Variants in NRXN1 observed in about 807,000 individuals in gnomAD.
The protein encoded by NRXN1 is neurexin-1.
Under a neutral mutation model 150.9 loss-of-function variants are expected in NRXN1, and 39 were observed. The observed-to-expected ratio is 0.26, with a 90% CI of 0.20 to 0.34. The LOEUF (loss-of-function observed/expected upper bound fraction) is 0.34, where lower values mean the gene tolerates loss of function less well. Among genes scored for constraint, NRXN1 ranks in the 10% least tolerant of loss-of-function variants. The probability of loss-of-function intolerance (pLI) is 1.00; values close to 1 mark genes in which losing one functional copy is unlikely to be tolerated. For synonymous variants in NRXN1, 924 were observed against 757.0 expected (o/e 1.22, Z -3.62); for missense variants, 1,815 against 1,949.9 (o/e 0.93, Z 1.30).
intron 5 of NRXN1, among the ~76,000 whole-genome samples, chr2:50,795,646 T>G (rs1706714069): frequency 6.6e-6 from 1 of 151,988 alleles, no homozygotes; most frequent in African/African-American, 2.4e-5. Context: ...AAATCTCACT[T>G]TGGCTGTGAA....
intron 22 of NRXN1, among the ~76,000 whole-genome samples, chr2:49,929,503 G>T (rs1028263841): frequency 5.9e-5 from 9 of 151,982 alleles, no homozygotes; most frequent in Non-Finnish European, 1.5e-5. Context: ...GGTCCTTACT[G>T]TTCCCATGGC....
At chr2:49,931,784 T>C (rs1248324828) in intron 22 of NRXN1, among the ~76,000 whole-genome samples, 1 of 152,332 alleles carries the variant, frequency 6.6e-6, no homozygotes, top group East Asian at 1.9e-4. Context: ...CCTTATTAAC[T>C]GATTTCAACT....
chr2:50,442,336 A>G (rs6738086), intron 17 of NRXN1, among the ~76,000 whole-genome samples: 42,978 of 152,104 alleles, frequency 0.28, 6,275 homozygotes, highest in East Asian at 0.36. Context: ...TCCATACTTT[A>G]AACACTTGAA....
intron 12 of NRXN1, among the ~76,000 whole-genome samples, chr2:50,509,595 AC>A (rs2092373289): frequency 6.6e-6 from 1 of 152,186 alleles, no homozygotes; most frequent in African/African-American, 2.4e-5. Flanking sequence ...TCACTTTCTC[AC>A]AGAATTTAAC....
At chr2:50,252,312 T>C (rs1327908021) in intron 17 of NRXN1, among the ~76,000 whole-genome samples, 2 of 140,192 alleles carry the variant, frequency 1.4e-5, no homozygotes, top group Non-Finnish European at 3.0e-5. Context: ...CAGGCTGGAA[T>C]GCAGTGCGTG....
intron 18 of NRXN1, among the ~76,000 whole-genome samples, chr2:50,208,572 A>G (rs748060970): frequency 1.3e-5 from 2 of 152,042 alleles, no homozygotes; most frequent in East Asian, 3.9e-4. Flanking sequence ...ATTTTGATTT[A>G]GAGAGGAGGT....
At chr2:50,069,937 A>C (rs1356221752) in intron 19 of NRXN1, among the ~76,000 whole-genome samples, 3 of 143,212 alleles carry the variant, frequency 2.1e-5, no homozygotes, top group South Asian at 2.2e-4. Flanking sequence ...TGCAAGCTCC[A>C]CCTCCCGAGT....
At chr2:50,520,952 C>A (rs954711287) in intron 12 of NRXN1, among the ~76,000 whole-genome samples, 8 of 151,972 alleles carry the variant, frequency 5.3e-5, no homozygotes, top group Admixed American at 2.0e-4. Flanking sequence ...CATGTCATTA[C>A]AGTATGTTTG....
chr2:50,687,928 C>A (rs1168524222), intron 5 of NRXN1, among the ~76,000 whole-genome samples: 1 of 152,174 alleles, frequency 6.6e-6, no homozygotes, highest in African/African-American at 2.4e-5. Flanking sequence ...TCAAACTCTT[C>A]TCTCTGATCA....
intron 18 of NRXN1, among the ~76,000 whole-genome samples, chr2:50,217,036 C>T (rs1364350955): frequency 2.8e-4 from 43 of 152,016 alleles, no homozygotes. Flanking sequence ...ATGACCTTGT[C>T]ATGTTTCTGT....
rs754955469 is a variant in NRXN1, at chr2:50,091,310, T to G, written c.3718+13A>C. ...TCATAAAATCTTCCCCCGATACATA[T>G]TCACTTGCTTACCTGCAGGGTAGCG... is the stretch of plus-strand genomic sequence containing the variant. On this transcript the variant is annotated intron_variant, in intron 19 of 22. Coordinates refer to ENST00000401669, the MANE Select transcript of NRXN1 (RefSeq NM_001330078.2). The G allele has an allele frequency of 1.2e-6, 2 of 1,614,014 alleles. No homozygotes were observed. The highest frequency in any genetic ancestry group is 1.7e-6 in the Non-Finnish European group (2 of 1,179,956).
In NRXN1 at chr2:50,217,955, GTTGTA is replaced by G. The variant is rs1431088995; in HGVS notation, c.3546+18829_3546+18833del. Among the ~76,000 whole-genome samples the G allele has an allele frequency of 1.1e-4, 16 of 152,068 alleles. No individual in the cohort carries two copies. The East Asian group carries it at 2.9e-3, about 28-fold the overall frequency. On this transcript the variant is annotated intron_variant, in intron 18 of 22. Coordinates refer to ENST00000401669, the MANE Select transcript of NRXN1 (RefSeq NM_001330078.2). The stretch of plus-strand genomic sequence containing the variant: ...GCACATAATTAGCCAGACACACCAT[GTTGTA>G]TCTCAATTTAGCTCATTATTTCTGA...
intron 8 of NRXN1, among the ~76,000 whole-genome samples, chr2:50,577,159 T>C (rs1244517238): frequency 2.6e-5 from 4 of 152,082 alleles, no homozygotes; most frequent in African/African-American, 9.7e-5. Context: ...CATGCAGAAA[T>C]CAATGAATAA....
intron 13 of NRXN1, among the ~76,000 whole-genome samples, chr2:50,498,381 C>T (rs2091763420): frequency 6.6e-6 from 1 of 152,072 alleles, no homozygotes; most frequent in African/African-American, 2.4e-5. Context: ...TCACCTATGC[C>T]TTTTTTTGTC....
intron 2 of NRXN1, among the ~76,000 whole-genome samples, chr2:50,961,630 T>C (rs1467274003): frequency 6.6e-6 from 1 of 151,836 alleles, no homozygotes; most frequent in African/African-American, 2.4e-5. Context: ...TCATTTGAAT[T>C]AAGCTAAGCT....
chr2:50,136,254 A>G (rs186199781), intron 18 of NRXN1, among the ~76,000 whole-genome samples: 1 of 152,244 alleles, frequency 6.6e-6, no homozygotes, highest in East Asian at 1.9e-4. Flanking sequence ...ACGCCAAGAG[A>G]AAAAATAAAA....
chr2:50,702,630 A>AT (rs1693909350), intron 5 of NRXN1, among the ~76,000 whole-genome samples: 1 of 152,048 alleles, frequency 6.6e-6, no homozygotes, highest in South Asian at 2.1e-4. Flanking sequence ...ACTTTTCTTG[A>AT]TTTTTTTAAA....
intron 21 of NRXN1, among the ~76,000 whole-genome samples, chr2:49,961,025 C>A (rs1675845244): frequency 6.6e-6 from 1 of 151,918 alleles, no homozygotes; most frequent in Non-Finnish European, 1.5e-5. Flanking sequence ...CAAATAATAT[C>A]ATTTTTAATT....
intron 21 of NRXN1, among the ~76,000 whole-genome samples, chr2:49,968,980 A>T (rs1198216202): frequency 6.6e-6 from 1 of 152,104 alleles, no homozygotes; most frequent in Non-Finnish European, 1.5e-5. Flanking sequence ...ACAGATCTTA[A>T]CTAACAATGT....
Sources: gnomAD v4.1 joint callset for allele counts (sites outside exome capture counted in the v4.1 genomes callset) on GRCh38, gnomAD v4.1.1 for gene constraint, MANE v1.5 for transcripts, NCBI Gene and HGNC (gene_info 2026-07-23, HGNC 2026-07-21) for gene names.